The following LDB2 variants were observed in gnomAD, a reference collection of about 807,000 sequenced individuals.
The protein encoded by LDB2 is LIM domain-binding protein 2.
A neutral mutation model predicts 44.3 loss-of-function variants in LDB2; 12 were observed. That is an observed-to-expected ratio of 0.27 (90% CI 0.17 to 0.44). The LOEUF is 0.44. LDB2 is among the 20% of genes least tolerant of loss of function. The probability of loss-of-function intolerance (pLI) is 1.00; values close to 1 mark genes in which losing one functional copy is unlikely to be tolerated. For missense variants in LDB2, 344 were observed against 473.5 expected, an observed-to-expected ratio of 0.73 and a Z score of 2.54; for synonymous variants, 164 against 174.8, an observed-to-expected ratio of 0.94 and a Z score of 0.49.
chr4:16,586,517 CACACACACAAA>C (rs1160696025), intron 4 of LDB2, among the ~76,000 whole-genome samples: 5 of 85,098 alleles, frequency 5.9e-5, no homozygotes, highest in East Asian at 4.2e-4. Context: ...CACACACACA[CACACACACAAA>C]ACACACACAC....
intron 5 of LDB2, among the ~76,000 whole-genome samples, chr4:16,542,931 C>A (rs1236238375): frequency 3.5e-5 from 4 of 114,962 alleles, no homozygotes; most frequent in Non-Finnish European, 3.4e-5. Context: ...CCCCTCCCCC[C>A]ACCCCACCAT....
chr4:16,707,875 AC>A (rs1477832092), intron 2 of LDB2, among the ~76,000 whole-genome samples: 1 of 152,150 alleles, frequency 6.6e-6, no homozygotes, highest in Non-Finnish European at 1.5e-5. Context: ...TTATACACTG[AC>A]CTTTTACAGA....
intron 1 of LDB2, among the ~76,000 whole-genome samples, chr4:16,820,044 T>C (rs1467474847): frequency 2.0e-5 from 3 of 152,222 alleles, no homozygotes; most frequent in South Asian, 4.1e-4. Flanking sequence ...AGAAGTACTT[T>C]ATGCTGCAAA....
At chr4:16,856,694 A>G (rs1480737275) in intron 1 of LDB2, among the ~76,000 whole-genome samples, 1 of 152,150 alleles carries the variant, frequency 6.6e-6, no homozygotes, top group Admixed American at 6.5e-5. Flanking sequence ...AAATGCTCAC[A>G]CCTATATAAT....
At chr4:16,880,903 C>CAAA (rs1004776367) in intron 1 of LDB2, among the ~76,000 whole-genome samples, 13 of 57,464 alleles carry the variant, frequency 2.3e-4, no homozygotes, top group African/African-American at 5.7e-4. Flanking sequence ...GACTCCATCT[C>CAAA]AAAAAAAAAA....
chr4:16,812,996 CTCT>C (rs1201025770), intron 1 of LDB2, among the ~76,000 whole-genome samples: 1 of 151,194 alleles, frequency 6.6e-6, no homozygotes, highest in Non-Finnish European at 1.5e-5. Flanking sequence ...CCTCAGTTTA[CTCT>C]TTTTTTTTTC....
At chr4:16,814,548 T>C (rs1396499912) in intron 1 of LDB2, among the ~76,000 whole-genome samples, 1 of 152,158 alleles carries the variant, frequency 6.6e-6, no homozygotes, top group Admixed American at 6.5e-5. Flanking sequence ...CCTGTAATCC[T>C]CCAATAATTT....
chr4:16,572,667 C>G (rs1746994824), intron 5 of LDB2, among the ~76,000 whole-genome samples: 1 of 152,144 alleles, frequency 6.6e-6, no homozygotes, highest in Non-Finnish European at 1.5e-5. Flanking sequence ...TTTCTAGACA[C>G]TGACCTGTCT....
intron 2 of LDB2, 29 bp from the exon 3 acceptor site, chr4:16,595,904 A>G: frequency 6.2e-7 from 1 of 1,605,308 alleles, no homozygotes; most frequent in Non-Finnish European, 8.5e-7. Context: ...GAAACAAACC[A>G]TTAACAAAAA....
intron 1 of LDB2, among the ~76,000 whole-genome samples, chr4:16,795,396 A>G (rs972044621): frequency 2.0e-5 from 3 of 152,202 alleles, no homozygotes; most frequent in African/African-American, 7.2e-5. Flanking sequence ...TGCAAGTGCA[A>G]GGTTGCATCT....
chr4:16,734,216 T>TA (rs36015304), intron 2 of LDB2, among the ~76,000 whole-genome samples: 12 of 152,272 alleles, frequency 7.9e-5, no homozygotes, highest in African/African-American at 2.2e-4. Flanking sequence ...TGATGGCTAA[T>TA]AAAAAAATGG....
Position 16,502,447 on chromosome 4 carries a change from C to T in LDB2, c.*196G>A. On this transcript the variant is annotated 3_prime_UTR_variant, in exon 8 of 8. Coordinates refer to ENST00000304523, the MANE Select transcript of LDB2 (RefSeq NM_001290.5). ...CCTGTGAAGGCCTCCAAGAAAGGGT[C>T]ATGGAAGCTTACTGGGAATAATCCT... 1 of 734,270 alleles carries T rather than the reference C, an allele frequency of 1.4e-6. No homozygotes were observed. Among genetic ancestry groups the T allele is most frequent in the Non-Finnish European group, 2.2e-6 (1 of 458,980 alleles). The allele number at this position is 734,270 out of a possible 1,614,324, so 45.5% of individuals were successfully genotyped here.
chr4:16,678,933 G>A (rs984813285), intron 2 of LDB2, among the ~76,000 whole-genome samples: 1 of 152,026 alleles, frequency 6.6e-6, no homozygotes, highest in Non-Finnish European at 1.5e-5. Flanking sequence ...AACAAATATA[G>A]GGATGAAGGG....
intron 1 of LDB2, among the ~76,000 whole-genome samples, chr4:16,831,552 T>G (rs560286705): frequency 6.6e-6 from 1 of 152,232 alleles, no homozygotes; most frequent in South Asian, 2.1e-4. Flanking sequence ...GTGATGGTGC[T>G]GATGACAAAA....
At chr4:16,887,941 G>T (rs866861498) in intron 1 of LDB2, among the ~76,000 whole-genome samples, 78 of 152,092 alleles carry the variant, frequency 5.1e-4, no homozygotes, top group African/African-American at 1.8e-3. Context: ...GACAGGTAGC[G>T]TTACTACCCA....
At chr4:16,865,384 A>G (rs4698512) in intron 1 of LDB2, among the ~76,000 whole-genome samples, 93,383 of 152,046 alleles carry the variant, frequency 0.61, 29,229 homozygotes, top group East Asian at 0.85. Context: ...CATTCTTCAC[A>G]GGAAGGAAAA....
intron 2 of LDB2, among the ~76,000 whole-genome samples, chr4:16,731,413 A>T (rs146235968): frequency 3.0e-4 from 45 of 152,286 alleles, no homozygotes; most frequent in African/African-American, 1.1e-3. Flanking sequence ...TTGGGATGTT[A>T]GAAGAGGCCA....
intron 2 of LDB2, among the ~76,000 whole-genome samples, chr4:16,722,694 T>C (rs1442141017): frequency 6.6e-6 from 1 of 152,152 alleles, no homozygotes; most frequent in East Asian, 1.9e-4. Flanking sequence ...CCAACTTTCC[T>C]ACGTCAGGAC....
intron 2 of LDB2, among the ~76,000 whole-genome samples, chr4:16,612,610 T>A (rs139306838): frequency 6.6e-6 from 1 of 151,176 alleles, no homozygotes; most frequent in African/African-American, 2.4e-5. Context: ...TAGAAGAAAT[T>A]GATAAATTCC....
Sources: allele counts gnomAD v4.1 joint callset (sites outside exome capture counted in the v4.1 genomes callset), GRCh38; gene constraint gnomAD v4.1.1; transcripts MANE v1.5; gene names NCBI Gene and HGNC (gene_info 2026-07-23, HGNC 2026-07-21).